The following MAST2 variants were observed in gnomAD, a reference collection of about 807,000 sequenced individuals.
The protein encoded by MAST2 is microtubule-associated serine/threonine-protein kinase 2.
In MAST2, 70 loss-of-function variants were observed where a neutral mutation model predicts 147.4. The observed-to-expected ratio is 0.47, with a 90% CI of 0.39 to 0.58. The LOEUF is 0.58. Ranked by LOEUF, MAST2 falls within the 20% of genes least tolerant of loss-of-function variation. The probability of loss-of-function intolerance (pLI) is 0.00; values close to 1 mark genes in which losing one functional copy is unlikely to be tolerated. For synonymous variants in MAST2, 869 were observed against 896.8 expected, an observed-to-expected ratio of 0.97 and a Z score of 0.55; for missense variants, 2,080 against 2,302.3, an observed-to-expected ratio of 0.90 and a Z score of 1.98.
chr1:46,032,950 G>A (rs1646738250), intron 26 of MAST2, among the ~76,000 whole-genome samples: 1 of 147,834 alleles, frequency 6.8e-6, no homozygotes, highest in Admixed American at 6.8e-5. Flanking sequence ...AGCCAACATG[G>A]TGAAACCCTG....
chr1:45,808,932 G>T (rs79671866), intron 1 of MAST2, among the ~76,000 whole-genome samples: 203 of 151,638 alleles, frequency 1.3e-3, no homozygotes, highest in African/African-American at 4.7e-3. Flanking sequence ...CACTTCTCTT[G>T]GTTCCTTAGG....
chr1:46,023,802 C>A lies in MAST2; in HGVS notation c.1602C>A (p.Thr534=), dbSNP rs753766616. 1.1e-5 allele frequency: 17 copies of A among 1,613,940 alleles called. No individual in the cohort carries two copies. Among genetic ancestry groups the A allele is most frequent in the Admixed American group, 5.0e-5 (3 of 59,978 alleles). Residue 534 remains threonine, a synonymous_variant, in exon 15 of 29, where the codon ACC becomes ACA. Coordinates refer to ENST00000361297, the MANE Select transcript of MAST2 (RefSeq NM_015112.3). The surrounding 1 kb of genome is among the most constrained non-coding windows in gnomAD (Gnocchi z 4.9). ...GAVFLVRHKS[T]RQRFAMKKIN... is the part of the protein sequence containing the mutation. The stretch of plus-strand genomic sequence containing the variant: ...TATTTCTGGTGCGGCACAAGTCCAC[C>A]CGGCAGCGCTTTGCCATGAAGAAGA...
chr1:45,862,752 A>C (rs1646023188), intron 3 of MAST2, among the ~76,000 whole-genome samples: 1 of 152,044 alleles, frequency 6.6e-6, no homozygotes, highest in Admixed American at 6.6e-5. Context: ...GAGCCACTGC[A>C]CCTGGCCAGG....
chr1:45,811,088 T>A (rs1370088479), intron 1 of MAST2, among the ~76,000 whole-genome samples: 1 of 151,592 alleles, frequency 6.6e-6, no homozygotes, highest in Non-Finnish European at 1.5e-5. Context: ...CGACCTCAAG[T>A]GATCCACCTG....
chr1:45,886,798 C>G (rs1461515771), intron 4 of MAST2, among the ~76,000 whole-genome samples: 1 of 152,056 alleles, frequency 6.6e-6, no homozygotes, highest in African/African-American at 2.4e-5. Context: ...TGATTCCTTT[C>G]AAATAGGATT....
chr1:45,835,997 G>A (rs548641226), intron 3 of MAST2, among the ~76,000 whole-genome samples: 3 of 152,072 alleles, frequency 2.0e-5, no homozygotes, highest in East Asian at 1.9e-4. Context: ...ACTTTTATCC[G>A]TTTGTCTGCT....
At chr1:46,028,649 G>C (rs1284645917) in intron 17 of MAST2, 119 bp from the exon 18 acceptor site, 13 of 996,618 alleles carry the variant, frequency 1.3e-5, no homozygotes, top group Non-Finnish European at 1.8e-5. Flanking sequence ...ATTAACTAAG[G>C]TGGGCTGAGT....
intron 3 of MAST2, among the ~76,000 whole-genome samples, chr1:45,834,217 T>G (rs957508220): frequency 1.3e-5 from 2 of 152,126 alleles, no homozygotes; most frequent in Non-Finnish European, 2.9e-5. Context: ...AACATCACAT[T>G]TAAATAAATA....
chr1:45,851,161 C>T (rs1213263095), intron 3 of MAST2, among the ~76,000 whole-genome samples: 2 of 151,942 alleles, frequency 1.3e-5, no homozygotes, highest in Admixed American at 1.3e-4. Context: ...TTGTAGTTCT[C>T]CTTGTTGAGA....
At chr1:45,990,823 T>A (rs1644828596) in intron 5 of MAST2, among the ~76,000 whole-genome samples, 1 of 152,132 alleles carries the variant, frequency 6.6e-6, no homozygotes, top group African/African-American at 2.4e-5. Flanking sequence ...TCCTAGTCTA[T>A]GGTCTGTCTT....
chr1:45,909,851 C>T (rs1440504945), intron 4 of MAST2, among the ~76,000 whole-genome samples: 2 of 150,554 alleles, frequency 1.3e-5, no homozygotes, highest in South Asian at 2.1e-4. Flanking sequence ...CTCGCTCTGT[C>T]GACCAGGCTG....
At chr1:45,887,294 T>A (rs1465436197) in intron 4 of MAST2, among the ~76,000 whole-genome samples, 1 of 152,230 alleles carries the variant, frequency 6.6e-6, no homozygotes, top group Non-Finnish European at 1.5e-5. Flanking sequence ...CTTGCTTTAT[T>A]TCTTAGAGGC....
At chr1:45,922,749 C>T (rs1653726934) in intron 4 of MAST2, among the ~76,000 whole-genome samples, 1 of 152,130 alleles carries the variant, frequency 6.6e-6, no homozygotes, top group Non-Finnish European at 1.5e-5. Flanking sequence ...CCCACCCCAC[C>T]AACTCGGAAG....
intron 1 of MAST2, among the ~76,000 whole-genome samples, chr1:45,806,702 C>T (rs539004636): frequency 2.0e-5 from 3 of 152,172 alleles, no homozygotes; most frequent in South Asian, 2.1e-4. Flanking sequence ...CTCAGCCTCC[C>T]GAGTAGCTGG....
intron 1 of MAST2, among the ~76,000 whole-genome samples, chr1:45,806,315 C>T (rs1448350831): frequency 2.0e-5 from 3 of 152,228 alleles, no homozygotes; most frequent in Non-Finnish European, 4.4e-5. Context: ...TGTCTTGAGA[C>T]TCATCCATGT....
At chr1:45,977,795 T>A (rs1644231362) in intron 5 of MAST2, among the ~76,000 whole-genome samples, 1 of 55,646 alleles carries the variant, frequency 1.8e-5, no homozygotes, top group Admixed American at 2.2e-4. Context: ...GCAAGACTCT[T>A]GTCTCAAAAA....
chr1:45,865,316 C>T (rs1026108277), intron 3 of MAST2, among the ~76,000 whole-genome samples: 2 of 152,128 alleles, frequency 1.3e-5, no homozygotes, highest in African/African-American at 4.8e-5. Flanking sequence ...TATCTAAAAT[C>T]TTGCTATTTT....
intron 4 of MAST2, chr1:45,917,594 C>A: frequency 1.6e-6 from 2 of 1,231,090 alleles, no homozygotes; most frequent in Non-Finnish European, 1.1e-6. Context: ...TGGTAAAACG[C>A]ATACCTTACT....
intron 5 of MAST2, among the ~76,000 whole-genome samples, chr1:45,969,745 T>C (rs528433940): frequency 6.6e-6 from 1 of 152,138 alleles, no homozygotes; most frequent in Non-Finnish European, 1.5e-5. Context: ...CACAGTGTAA[T>C]AATAATAGAA....
Sources: gnomAD v4.1 joint callset for allele counts (sites outside exome capture counted in the v4.1 genomes callset) on GRCh38, gnomAD v4.1.1 for gene constraint, Gnocchi (gnomAD v3.1) non-coding constraint, MANE v1.5 for transcripts, NCBI Gene and HGNC (gene_info 2026-07-23, HGNC 2026-07-21) for gene names.